Variants in NKAIN3 observed in about 807,000 individuals in gnomAD.
NKAIN3 encodes the protein sodium/potassium transporting ATPase interacting 3, also known as sodium/potassium-transporting ATPase subunit beta-1-interacting protein 3.
Under a neutral mutation model 30.2 loss-of-function variants are expected in NKAIN3, and 25 were observed. The observed-to-expected ratio is 0.83, with a 90% CI of 0.60 to 1.16. NKAIN3 has a LOEUF of 1.16. NKAIN3 is among the 50% of genes most tolerant of loss of function. The pLI is 0.00. For synonymous variants in NKAIN3, 91 were observed against 89.6 expected (o/e 1.02, Z -0.09); for missense variants, 225 against 254.1 (o/e 0.89, Z 0.78).
intron 4 of NKAIN3, among the ~76,000 whole-genome samples, chr8:62,750,810 G>C (rs80058378): frequency 0.017 from 2,526 of 152,226 alleles, 65 homozygotes; most frequent in African/African-American, 0.059. Flanking sequence ...CCATGCTGGA[G>C]TGGAGAAGTC....
intron 4 of NKAIN3, among the ~76,000 whole-genome samples, 179 bp from the exon 5 acceptor site, chr8:62,918,274 A>C (rs1237535793): frequency 6.6e-6 from 1 of 152,214 alleles, no homozygotes; most frequent in Non-Finnish European, 1.5e-5. Context: ...GAAAGCTATT[A>C]AGGCTGCATA....
At chr8:62,807,539 A>G (rs545125747) in intron 4 of NKAIN3, among the ~76,000 whole-genome samples, 5 of 145,350 alleles carry the variant, frequency 3.4e-5, no homozygotes, top group Non-Finnish European at 6.0e-5. Context: ...TCATCTTTCA[A>G]TAGTTATTCT....
intron 1 of NKAIN3, among the ~76,000 whole-genome samples, chr8:62,260,827 T>G (rs1812416432): frequency 6.6e-6 from 1 of 152,174 alleles, no homozygotes; most frequent in Non-Finnish European, 1.5e-5. Flanking sequence ...AGTCAACACT[T>G]TCTAATGATT....
intron 1 of NKAIN3, among the ~76,000 whole-genome samples, chr8:62,346,613 G>T (rs1171137049): frequency 6.6e-6 from 1 of 152,024 alleles, no homozygotes; most frequent in African/African-American, 2.4e-5. Context: ...ATATTTTGAA[G>T]GTCTGGAAGT....
intron 1 of NKAIN3, among the ~76,000 whole-genome samples, chr8:62,462,119 G>T (rs1806018440): frequency 1.3e-5 from 2 of 152,142 alleles, no homozygotes; most frequent in African/African-American, 4.8e-5. Flanking sequence ...GCGTGGGCAG[G>T]TGGTTCATTA....
intron 1 of NKAIN3, among the ~76,000 whole-genome samples, chr8:62,522,626 G>T (rs1180412316): frequency 6.6e-6 from 1 of 152,056 alleles, no homozygotes; most frequent in Non-Finnish European, 1.5e-5. Flanking sequence ...TGACACTGAT[G>T]ATCCTGACCC....
At chr8:62,774,631 T>C (rs1420890097) in intron 4 of NKAIN3, among the ~76,000 whole-genome samples, 1 of 152,226 alleles carries the variant, frequency 6.6e-6, no homozygotes, top group Non-Finnish European at 1.5e-5. Flanking sequence ...TTGAATTTTA[T>C]AGAATGCTTT....
At chr8:62,798,585 A>G (rs540413108) in intron 4 of NKAIN3, among the ~76,000 whole-genome samples, 29 of 151,974 alleles carry the variant, frequency 1.9e-4, no homozygotes, top group Admixed American at 6.6e-4. Flanking sequence ...CAAAAAAAAA[A>G]CAACAAAAGA....
chr8:62,495,381 T>C (rs955013989), intron 1 of NKAIN3, among the ~76,000 whole-genome samples: 3 of 152,102 alleles, frequency 2.0e-5, no homozygotes, highest in African/African-American at 7.2e-5. Context: ...GAGTGCAGAA[T>C]ATGAATAAAG....
intron 1 of NKAIN3, among the ~76,000 whole-genome samples, chr8:62,551,253 A>G (rs1337946070): frequency 2.6e-5 from 4 of 152,172 alleles, no homozygotes; most frequent in African/African-American, 9.7e-5. Flanking sequence ...CGGGAAGGAA[A>G]GAGTAAAAGT....
In NKAIN3 at chr8:62,857,346, T is replaced by C. The variant is rs1282691308; in HGVS notation, c.472-61107T>C. 2.0e-5 allele frequency among the ~76,000 whole-genome samples: 3 copies of C among 152,172 alleles called. No individual in the cohort carries two copies. In the East Asian group the frequency reaches 5.8e-4, roughly 29 times the overall value. The stretch of plus-strand genomic sequence containing the variant: ...TCTTGGGGATAATCTTTTCATGGAG[T>C]ATCTTACTGGAGTTCTCTGCATTTC... On this transcript the variant is annotated intron_variant, in intron 4 of 6. Coordinates refer to ENST00000623646, the MANE Select transcript of NKAIN3 (RefSeq NM_001304533.3).
chr8:62,322,031 G>A (rs539579194), intron 1 of NKAIN3, among the ~76,000 whole-genome samples: 4 of 152,202 alleles, frequency 2.6e-5, no homozygotes, highest in East Asian at 1.9e-4. Flanking sequence ...GGCAATGGCC[G>A]ACACCCCTCC....
intron 1 of NKAIN3, among the ~76,000 whole-genome samples, chr8:62,449,964 T>G (rs914657322): frequency 6.6e-6 from 1 of 152,146 alleles, no homozygotes; most frequent in Non-Finnish European, 1.5e-5. Context: ...AGCAAAATAA[T>G]GACCAAGGCA....
At chr8:62,354,217 A>G (rs936279726) in intron 1 of NKAIN3, among the ~76,000 whole-genome samples, 1 of 152,216 alleles carries the variant, frequency 6.6e-6, no homozygotes, top group Admixed American at 6.5e-5. Flanking sequence ...GTTATTTCTA[A>G]TACAAATTAT....
chr8:62,729,054 C>A lies in NKAIN3; in HGVS notation c.274-17878C>A, dbSNP rs183912952. On this transcript the variant is annotated intron_variant, in intron 3 of 6. Transcript: ENST00000623646. ...AAAAAAAAAAACAAAAAAAAAAAACCTCCTGCTCTGCAAAAGACATTGGCA... is the reference window on the plus strand; with the variant it reads ...AAAAAAAAAAACAAAAAAAAAAAACATCCTGCTCTGCAAAAGACATTGGCA... 2.2e-3 allele frequency among the ~76,000 whole-genome samples: 129 copies of A among 59,596 alleles called. 2 individuals carry two copies. The highest frequency in any genetic ancestry group is 0.014 in the Admixed American group (76 of 5,586). The allele number at this position is 59,596 out of a possible 152,430, so 39.1% of individuals were successfully genotyped here.
intron 4 of NKAIN3, among the ~76,000 whole-genome samples, chr8:62,764,856 A>C (rs867968022): frequency 3.3e-5 from 5 of 152,182 alleles, no homozygotes; most frequent in Non-Finnish European, 7.3e-5. Flanking sequence ...TATTCTCATT[A>C]ATGGAATTAA....
At chr8:62,642,249 A>G (rs887227064) in intron 3 of NKAIN3, among the ~76,000 whole-genome samples, 4 of 152,154 alleles carry the variant, frequency 2.6e-5, no homozygotes, top group African/African-American at 9.7e-5. Context: ...ACATGTCACC[A>G]TGTAGCATGA....
At chr8:62,449,243 AT>A (rs1408266304) in intron 1 of NKAIN3, among the ~76,000 whole-genome samples, 10 of 152,010 alleles carry the variant, frequency 6.6e-5, no homozygotes, top group Admixed American at 1.3e-4. Flanking sequence ...AAATTCCATG[AT>A]TTCTTGAGAT....
intron 1 of NKAIN3, among the ~76,000 whole-genome samples, chr8:62,321,896 C>T (rs190094203): frequency 2.6e-5 from 4 of 152,238 alleles, no homozygotes; most frequent in South Asian, 2.1e-4. Context: ...ATTTCTACTG[C>T]GTTTTGTTTG....
Sources: allele counts gnomAD v4.1 joint callset (sites outside exome capture counted in the v4.1 genomes callset), GRCh38; gene constraint gnomAD v4.1.1; transcripts MANE v1.5; gene names NCBI Gene and HGNC (gene_info 2026-07-23, HGNC 2026-07-21).